NUBPL: variants seen among roughly 807,000 people sequenced by gnomAD.
NUBPL encodes the protein iron-sulfur cluster transfer protein NUBPL.
In NUBPL, 31 loss-of-function variants were observed where a neutral mutation model predicts 45.7. The ratio of observed to expected loss-of-function variants is 0.68; its 90% CI spans 0.51 to 0.92. The LOEUF is 0.92. NUBPL is among the 40% of genes least tolerant of loss of function. The probability of loss-of-function intolerance (pLI) is 0.00; values close to 1 mark genes in which losing one functional copy is unlikely to be tolerated. For synonymous variants in NUBPL, 144 were observed against 140.9 expected (o/e 1.02, Z -0.15); for missense variants, 401 against 398.7 (o/e 1.01, Z -0.05).
chr14:31,851,939 G>T (rs1013392121), intron 10 of NUBPL, among the ~76,000 whole-genome samples: 21 of 152,062 alleles, frequency 1.4e-4, no homozygotes, highest in African/African-American at 4.8e-4. Context: ...ACATTTCATT[G>T]AAGTTAGAGG....
intron 4 of NUBPL, among the ~76,000 whole-genome samples, chr14:31,628,135 A>G (rs1205301173): frequency 6.6e-6 from 1 of 152,220 alleles, no homozygotes; most frequent in East Asian, 1.9e-4. Context: ...GAATATTTTA[A>G]TAGCCTTTTA....
At chr14:31,685,410 T>C (rs1246320093) in intron 6 of NUBPL, among the ~76,000 whole-genome samples, 1 of 152,108 alleles carries the variant, frequency 6.6e-6, no homozygotes, top group African/African-American at 2.4e-5. Context: ...GAGTATTGTA[T>C]TCTAAAATAG....
At chr14:31,664,314 G>A (rs1417456848) in intron 4 of NUBPL, among the ~76,000 whole-genome samples, 3 of 152,126 alleles carry the variant, frequency 2.0e-5, no homozygotes, top group Non-Finnish European at 4.4e-5. Flanking sequence ...TCTTGTGCTG[G>A]TTTTCAAAGG....
At chr14:31,808,448 T>TGATTTTTG (rs1338176799) in intron 7 of NUBPL, among the ~76,000 whole-genome samples, 2 of 152,208 alleles carry the variant, frequency 1.3e-5, no homozygotes, top group Admixed American at 1.3e-4. Context: ...CGAATGCTTG[T>TGATTTTTG]GATTTTTGCA....
At chr14:31,776,890 C>T (rs1184376537) in intron 6 of NUBPL, among the ~76,000 whole-genome samples, 1 of 152,222 alleles carries the variant, frequency 6.6e-6, no homozygotes, top group Non-Finnish European at 1.5e-5. Flanking sequence ...GAAGTTACTT[C>T]AACCCAGTTC....
chr14:31,850,598 A>G (rs1228926531), intron 10 of NUBPL, among the ~76,000 whole-genome samples: 1 of 149,084 alleles, frequency 6.7e-6, no homozygotes, highest in Non-Finnish European at 1.5e-5. Flanking sequence ...GCAATTGTGT[A>G]AACCATTAGA....
chr14:31,589,164 A>G (rs2034075326), intron 3 of NUBPL, among the ~76,000 whole-genome samples: 2 of 152,220 alleles, frequency 1.3e-5, no homozygotes, highest in South Asian at 4.1e-4. Flanking sequence ...TTCCATATAT[A>G]TTATTTACCT....
rs371977960 is a variant in NUBPL at position 31,634,811 on chromosome 14, G to C, written c.382+35432G>C. Among the ~76,000 whole-genome samples the C allele has an allele frequency of 3.1e-4, 46 of 150,690 alleles. No homozygotes were observed. In the East Asian group the frequency reaches 4.1e-3, roughly 13 times the overall value. On this transcript the variant is annotated intron_variant, in intron 4 of 10. Transcript: ENST00000281081. ...TGGTGTGAGATGGTATCTCATTGTGGTTTTGATTTGCATTTCTCTGATGGC... is the reference window on the plus strand; with the variant it reads ...TGGTGTGAGATGGTATCTCATTGTGCTTTTGATTTGCATTTCTCTGATGGC...
intron 3 of NUBPL, among the ~76,000 whole-genome samples, chr14:31,596,149 G>A (rs373238842): frequency 1.2e-4 from 19 of 152,038 alleles, no homozygotes; most frequent in African/African-American, 4.1e-4. Flanking sequence ...CTTGTGATCC[G>A]CCCACTTTGG....
intron 6 of NUBPL, among the ~76,000 whole-genome samples, chr14:31,750,337 G>A (rs1165858607): frequency 5.8e-5 from 6 of 103,844 alleles, no homozygotes; most frequent in Non-Finnish European, 1.1e-4. Context: ...CACCACGCCC[G>A]GCTAATTTTT....
intron 3 of NUBPL, among the ~76,000 whole-genome samples, chr14:31,579,681 C>G (rs1266527889): frequency 6.6e-6 from 1 of 152,166 alleles, no homozygotes; most frequent in Non-Finnish European, 1.5e-5. Context: ...TTGCAGACAT[C>G]TCATAGCACA....
intron 7 of NUBPL, among the ~76,000 whole-genome samples, chr14:31,813,533 C>CACA (rs2039856915): frequency 1.3e-5 from 2 of 150,008 alleles, no homozygotes; most frequent in South Asian, 2.1e-4. Context: ...ACACATACAT[C>CACA]CATACACACA....
chr14:31,793,835 T>TTTTA (rs1555338730), intron 7 of NUBPL, among the ~76,000 whole-genome samples: 3 of 130,430 alleles, frequency 2.3e-5, no homozygotes, highest in Non-Finnish European at 4.5e-5. Context: ...TTTCTTTTTT[T>TTTTA]TTTTTATTTT....
intron 6 of NUBPL, among the ~76,000 whole-genome samples, chr14:31,678,423 TCA>T (rs2036750721): frequency 6.6e-6 from 1 of 152,230 alleles, no homozygotes; most frequent in African/African-American, 2.4e-5. Context: ...CCAGCACATC[TCA>T]GAGTCTCACC....
intron 6 of NUBPL, among the ~76,000 whole-genome samples, chr14:31,708,315 G>A (rs1046208598): frequency 6.6e-6 from 1 of 152,228 alleles, no homozygotes; most frequent in African/African-American, 2.4e-5. Flanking sequence ...ATAAGGAAAA[G>A]TGGTGGGGTC....
At chr14:31,702,013 C>A (rs2037351674) in intron 6 of NUBPL, among the ~76,000 whole-genome samples, 1 of 152,104 alleles carries the variant, frequency 6.6e-6, no homozygotes, top group South Asian at 2.1e-4. Flanking sequence ...ACATTGACTG[C>A]AAGTGTAGGG....
intron 7 of NUBPL, among the ~76,000 whole-genome samples, chr14:31,790,148 A>C (rs1430714263): frequency 6.6e-6 from 1 of 152,128 alleles, no homozygotes; most frequent in African/African-American, 2.4e-5. Flanking sequence ...AGTTTAATTT[A>C]CCTCACACAG....
chr14:31,854,150 A>G (rs778651114), intron 10 of NUBPL, among the ~76,000 whole-genome samples: 4 of 152,250 alleles, frequency 2.6e-5, no homozygotes, highest in African/African-American at 4.8e-5. Flanking sequence ...TCAAATATTT[A>G]AAAACAAAAA....
chr14:31,714,293 TTGGC>T (rs2037639241), intron 6 of NUBPL, among the ~76,000 whole-genome samples: 1 of 152,190 alleles, frequency 6.6e-6, no homozygotes, highest in African/African-American at 2.4e-5. Context: ...GACCAAAGCC[TTGGC>T]CTTTGATGAT....
Sources: allele counts gnomAD v4.1 joint callset (sites outside exome capture counted in the v4.1 genomes callset), GRCh38; gene constraint gnomAD v4.1.1; transcripts MANE v1.5; gene names NCBI Gene and HGNC (gene_info 2026-07-23, HGNC 2026-07-21).